Variants in SRBD1 observed in about 807,000 individuals in gnomAD.
SRBD1 encodes the protein S1 RNA binding domain 1.
In SRBD1, 88 loss-of-function variants were observed where a neutral mutation model predicts 115.3. That is an observed-to-expected ratio of 0.76 (90% CI 0.64 to 0.91). The LOEUF (loss-of-function observed/expected upper bound fraction) is 0.91. SRBD1 is among the 40% of genes least tolerant of loss of function. SRBD1 has a pLI of 0.00. For synonymous variants in SRBD1, 509 were observed against 407.7 expected, an observed-to-expected ratio of 1.25 and a Z score of -2.99; for missense variants, 1,385 against 1,177.4, an observed-to-expected ratio of 1.18 and a Z score of -2.58.
Position 45,488,323 on chromosome 2 carries a change from C to T in SRBD1, c.1883G>A (p.Ser628Asn), listed in dbSNP as rs770667628. The stretch of plus-strand genomic sequence containing the variant: ...ACTGTAGATTGATGCTCCTGCTTCA[C>T]TGACGATACTGAGAAGACAGAAAAA... ...APLDVVYCIV[S>N]EAGASIYSVS... The change falls in exon 15 of 21, where the codon AGT becomes AAT. Residue 628 changes from serine to asparagine, a missense_variant. Coordinates refer to ENST00000263736, the MANE Select transcript of SRBD1 (RefSeq NM_018079.5). 94 of 1,613,346 alleles carry T rather than the reference C, an allele frequency of 5.8e-5. 3 individuals are homozygous for T. The South Asian group carries it at 9.8e-4, about 17-fold the overall frequency.
In SRBD1 at chr2:45,389,464, A is replaced by T; in HGVS notation, c.2834T>A (p.Leu945Gln). The change falls in exon 21 of 21, where the codon CTG becomes CAG. Residue 945 changes from leucine to glutamine, a missense_variant. Transcript: ENST00000263736. ...TTCTGTTACATTTCGTATGGGAATC[A>T]GCCCAGATTTCCCCACTCCTATATC... is the stretch of plus-strand genomic sequence containing the variant. ...FVDIGVGKSG[L>Q]IPIRNVTEAK... 6.2e-7 allele frequency: 1 copy of T among 1,614,114 alleles called. No individual in the cohort carries two copies. Among genetic ancestry groups the T allele is most frequent in the Non-Finnish European group, 8.5e-7 (1 of 1,179,966 alleles).
intron 16 of SRBD1, among the ~76,000 whole-genome samples, chr2:45,423,980 G>C (rs542010973): frequency 7.9e-5 from 12 of 152,106 alleles, no homozygotes; most frequent in Admixed American, 2.0e-4. Context: ...AGGCATGCAA[G>C]AATAGTACTA....
At chr2:45,546,227 T>C in intron 14 of SRBD1, 1 of 985,430 alleles carries the variant, frequency 1.0e-6, no homozygotes, top group Non-Finnish European at 1.2e-6. Flanking sequence ...ATTCACAAGT[T>C]ATCTGTATGC....
chr2:45,602,210 G>C (rs1271675883), intron 2 of SRBD1, 127 bp from the exon 3 acceptor site: 1 of 1,081,376 alleles, frequency 9.2e-7, no homozygotes, highest in Non-Finnish European at 1.3e-6. Flanking sequence ...GAGTGATTGA[G>C]TACAGGCTGT....
chr2:45,514,047 G>T (rs1050175351), intron 14 of SRBD1, among the ~76,000 whole-genome samples: 4 of 152,072 alleles, frequency 2.6e-5, no homozygotes, highest in Admixed American at 2.6e-4. Context: ...CCTATCAACT[G>T]TGAACAACAC....
intron 8 of SRBD1, among the ~76,000 whole-genome samples, chr2:45,574,180 G>A (rs1673105654): frequency 6.6e-6 from 1 of 152,062 alleles, no homozygotes; most frequent in African/African-American, 2.4e-5. Flanking sequence ...TCATTTGGAG[G>A]TCAGTACTTT....
At chr2:45,495,673 G>A (rs74477563) in intron 14 of SRBD1, among the ~76,000 whole-genome samples, 178 of 152,158 alleles carry the variant, frequency 1.2e-3, no homozygotes, top group African/African-American at 4.0e-3. Flanking sequence ...AGTGGCATTC[G>A]ACTAGGCAAG....
At chr2:45,610,139 G>C (rs1333886415) in intron 1 of SRBD1, among the ~76,000 whole-genome samples, 1 of 152,116 alleles carries the variant, frequency 6.6e-6, no homozygotes, top group Non-Finnish European at 1.5e-5. Context: ...ATCACTGTAG[G>C]CACATGAGCA....
chr2:45,599,933 C>A, intron 3 of SRBD1, 98 bp from the exon 4 acceptor site: 1 of 1,313,878 alleles, frequency 7.6e-7, no homozygotes, highest in Non-Finnish European at 1.0e-6. Flanking sequence ...TATTGATACA[C>A]ACAATAACTT....
intron 9 of SRBD1, chr2:45,567,870 CA>C (rs1672883442): frequency 6.6e-6 from 1 of 152,300 alleles, no homozygotes; most frequent in Non-Finnish European, 1.5e-5. Flanking sequence ...CATAATATCA[CA>C]ATACATTATT....
At chr2:45,580,084 T>TA in intron 6 of SRBD1, 71 bp from the exon 7 acceptor site, 1 of 1,285,200 alleles carries the variant, frequency 7.8e-7, no homozygotes, top group Non-Finnish European at 1.0e-6. Flanking sequence ...GTTACAAAAT[T>TA]AGAGGACATG....
chr2:45,398,897 T>A (rs767229696), intron 19 of SRBD1, among the ~76,000 whole-genome samples: 2 of 152,152 alleles, frequency 1.3e-5, no homozygotes, highest in Non-Finnish European at 2.9e-5. Flanking sequence ...TACCTCTAAA[T>A]GAGTATGAGT....
At chr2:45,581,651 T>C (rs1673367720) in intron 6 of SRBD1, 42 bp downstream of exon 6, 1 of 1,467,780 alleles carries the variant, frequency 6.8e-7, no homozygotes, top group African/African-American at 1.4e-5. Flanking sequence ...CAAATTGCAA[T>C]ATATTCAGGT....
At chr2:45,557,673 C>A (rs572125498) in intron 10 of SRBD1, among the ~76,000 whole-genome samples, 1 of 152,320 alleles carries the variant, frequency 6.6e-6, no homozygotes, top group Non-Finnish European at 1.5e-5. Flanking sequence ...CCTTCACCGG[C>A]TTCCTGGGAT....
At chr2:45,421,438 T>G (rs1281191598) in intron 16 of SRBD1, among the ~76,000 whole-genome samples, 10 of 126,000 alleles carry the variant, frequency 7.9e-5, no homozygotes, top group African/African-American at 3.0e-4. Flanking sequence ...ACCCAGGAGG[T>G]GGAGCTTGCA....
chr2:45,403,651 G>A (rs543245897), intron 19 of SRBD1, among the ~76,000 whole-genome samples: 166 of 152,106 alleles, frequency 1.1e-3, no homozygotes, highest in Non-Finnish European at 2.1e-3. Flanking sequence ...ATTTTGCAGA[G>A]ACAAGGACAA....
chr2:45,423,588 CCATA>C (rs560279758), intron 16 of SRBD1, among the ~76,000 whole-genome samples: 2 of 152,140 alleles, frequency 1.3e-5, no homozygotes, highest in South Asian at 2.1e-4. Context: ...AAGTTCAGAA[CCATA>C]CAGTTTCATT....
At chr2:45,436,162 A>C (rs1247656805) in intron 16 of SRBD1, among the ~76,000 whole-genome samples, 1 of 152,192 alleles carries the variant, frequency 6.6e-6, no homozygotes, top group Non-Finnish European at 1.5e-5. Context: ...AAAAAAAATC[A>C]CATAGTCCTA....
chr2:45,554,253 C>A (rs1342729546), intron 10 of SRBD1, among the ~76,000 whole-genome samples: 3 of 152,186 alleles, frequency 2.0e-5, no homozygotes, highest in Non-Finnish European at 4.4e-5. Flanking sequence ...ATGCAGCTGT[C>A]TACAAGCCAA....
Sources: gnomAD v4.1 joint callset for allele counts (sites outside exome capture counted in the v4.1 genomes callset) on GRCh38, gnomAD v4.1.1 for gene constraint, MANE v1.5 for transcripts, NCBI Gene and HGNC (gene_info 2026-07-23, HGNC 2026-07-21) for gene names.